The following TMEM132D variants were observed in gnomAD, a reference collection of about 807,000 sequenced individuals.
TMEM132D encodes mature OL transmembrane protein.
A neutral mutation model predicts 62.3 loss-of-function variants in TMEM132D; 21 were observed. The ratio of observed to expected loss-of-function variants is 0.34; its 90% CI spans 0.24 to 0.49. TMEM132D has a LOEUF of 0.49. TMEM132D is among the 20% of genes least tolerant of loss of function. TMEM132D has a pLI of 0.99. For synonymous variants in TMEM132D, 621 were observed against 575.6 expected, an observed-to-expected ratio of 1.08 and a Z score of -1.13; for missense variants, 1,346 against 1,402.8, an observed-to-expected ratio of 0.96 and a Z score of 0.65.
intron 2 of TMEM132D, among the ~76,000 whole-genome samples, chr12:129,695,992 CA>C (rs1248291611): frequency 6.6e-6 from 1 of 152,168 alleles, no homozygotes; most frequent in Admixed American, 6.5e-5. Flanking sequence ...TACACCAGGG[CA>C]CATTTTACCT....
intron 1 of TMEM132D, among the ~76,000 whole-genome samples, chr12:129,829,956 C>G (rs943958911): frequency 3.9e-5 from 6 of 152,144 alleles, no homozygotes; most frequent in Admixed American, 1.3e-4. Context: ...TGTCTCCTTT[C>G]AGGTTATATT....
intron 1 of TMEM132D, among the ~76,000 whole-genome samples, chr12:129,884,120 C>T (rs534811665): frequency 2.0e-5 from 3 of 152,056 alleles, no homozygotes; most frequent in African/African-American, 4.8e-5. Context: ...TTTGTAGAGA[C>T]GGAGTCTCAC....
chr12:129,335,587 TC>T (rs1869245638), intron 4 of TMEM132D, among the ~76,000 whole-genome samples: 1 of 152,202 alleles, frequency 6.6e-6, no homozygotes, highest in African/African-American at 2.4e-5. Context: ...GTTATGTTAT[TC>T]TTTTTCCTGG....
intron 1 of TMEM132D, among the ~76,000 whole-genome samples, chr12:129,825,711 G>A (rs12827020): frequency 0.39 from 59,944 of 151,920 alleles, 13,569 homozygotes; most frequent in Non-Finnish European, 0.52. Flanking sequence ...CCCTCGGGAC[G>A]CCCACTGTGG....
At position 129,395,447 on chromosome 12, in the gene TMEM132D, T is replaced by C. The variant is rs1871395675; in HGVS notation, c.1116-57630A>G. On this transcript the variant is annotated intron_variant, in intron 3 of 8. Transcript: ENST00000422113. The stretch of plus-strand genomic sequence containing the variant: ...TTATTTCTTATGGGTATATATTTGG[T>C]TACTGGACTTCAGGTTATGAATATT... Among the ~76,000 whole-genome samples, 4 of 152,268 alleles carry C rather than the reference T, an allele frequency of 2.6e-5. No individual in the cohort carries two copies. In the South Asian group the frequency reaches 8.3e-4, roughly 32 times the overall value.
At chr12:129,409,002 G>A (rs573521227) in intron 3 of TMEM132D, among the ~76,000 whole-genome samples, 4 of 151,530 alleles carry the variant, frequency 2.6e-5, no homozygotes, top group Non-Finnish European at 2.9e-5. Flanking sequence ...GTGTGATCTC[G>A]GCTCACTGCA....
chr12:129,642,920 CTTTTTTTTTTT>C (rs71082742), intron 2 of TMEM132D, among the ~76,000 whole-genome samples: 1 of 105,556 alleles, frequency 9.5e-6, no homozygotes, highest in African/African-American at 3.8e-5. Context: ...ATTTACAAAT[CTTTTTTTTTTT>C]TTTTTTTTTT....
intron 4 of TMEM132D, chr12:129,262,598 T>C (rs1216473600): frequency 6.6e-6 from 1 of 152,208 alleles, no homozygotes; most frequent in Non-Finnish European, 1.5e-5. Context: ...CAAATCTGTA[T>C]TTTTATGCAT....
At chr12:129,196,393 T>C (rs1878553827) in intron 5 of TMEM132D, among the ~76,000 whole-genome samples, 1 of 152,204 alleles carries the variant, frequency 6.6e-6, no homozygotes, top group Non-Finnish European at 1.5e-5. Flanking sequence ...TGTATTCTTC[T>C]GGGCTTGTGA....
chr12:129,835,055 T>C (rs2092527178), intron 1 of TMEM132D, among the ~76,000 whole-genome samples: 1 of 152,144 alleles, frequency 6.6e-6, no homozygotes, highest in Non-Finnish European at 1.5e-5. Flanking sequence ...CTAGGACACA[T>C]GCCCACATGG....
At chr12:129,884,686 C>T (rs961538068) in intron 1 of TMEM132D, among the ~76,000 whole-genome samples, 2 of 152,224 alleles carry the variant, frequency 1.3e-5, no homozygotes, top group Non-Finnish European at 2.9e-5. Context: ...AATGGTTCAA[C>T]CATTTTGCAA....
At chr12:129,809,576 T>A (rs7953819) in intron 1 of TMEM132D, among the ~76,000 whole-genome samples, 44,429 of 151,924 alleles carry the variant, frequency 0.29, 7,397 homozygotes, top group African/African-American at 0.46. Context: ...AGTGAACACA[T>A]CCTCAACATT....
At chr12:129,720,127 A>T (rs531913922) in intron 1 of TMEM132D, among the ~76,000 whole-genome samples, 4 of 152,304 alleles carry the variant, frequency 2.6e-5, no homozygotes, top group African/African-American at 9.6e-5. Flanking sequence ...TAAATAATCA[A>T]TAAAACCTTG....
chr12:129,153,292 T>C (rs1353651442), intron 5 of TMEM132D, among the ~76,000 whole-genome samples: 1 of 152,162 alleles, frequency 6.6e-6, no homozygotes, highest in Non-Finnish European at 1.5e-5. Context: ...ATGCCTGTGG[T>C]TCTTCGGGGA....
At chr12:129,743,853 C>A (rs1309672747) in intron 1 of TMEM132D, among the ~76,000 whole-genome samples, 2 of 152,208 alleles carry the variant, frequency 1.3e-5, no homozygotes, top group Admixed American at 6.5e-5. Context: ...CCTCTAGAAG[C>A]TGAAAACAGC....
chr12:129,836,575 C>T (rs1026393112), intron 1 of TMEM132D, among the ~76,000 whole-genome samples: 3 of 152,076 alleles, frequency 2.0e-5, no homozygotes, highest in Middle Eastern at 3.4e-3. Context: ...CAAGTATATG[C>T]TACATTTCAT....
At chr12:129,886,178 ATTT>A (rs1294084156) in intron 1 of TMEM132D, among the ~76,000 whole-genome samples, 2 of 152,340 alleles carry the variant, frequency 1.3e-5, no homozygotes, top group East Asian at 3.9e-4. Flanking sequence ...GATAAAAAGT[ATTT>A]TTTATTGCAA....
intron 4 of TMEM132D, among the ~76,000 whole-genome samples, chr12:129,248,694 A>T (rs375191410): frequency 6.6e-6 from 1 of 151,866 alleles, no homozygotes; most frequent in African/African-American, 2.4e-5. Context: ...ATTTTTCCCA[A>T]TTTGCTCCCC....
At chr12:129,693,203 T>C (rs1881104913) in intron 2 of TMEM132D, among the ~76,000 whole-genome samples, 1 of 152,308 alleles carries the variant, frequency 6.6e-6, no homozygotes, top group South Asian at 2.1e-4. Flanking sequence ...CTTCTCACCA[T>C]TACTATTTTA....
Sources: gnomAD v4.1 joint callset for allele counts (sites outside exome capture counted in the v4.1 genomes callset) on GRCh38, gnomAD v4.1.1 for gene constraint, MANE v1.5 for transcripts, NCBI Gene and HGNC (gene_info 2026-07-23, HGNC 2026-07-21) for gene names.